The following IDE variants were observed in gnomAD, a reference collection of about 807,000 sequenced individuals.
The protein encoded by IDE is insulin-degrading enzyme.
IDE carries 58 observed loss-of-function variants against 133.2 expected under a neutral mutation model. The ratio of observed to expected loss-of-function variants is 0.44; its 90% CI spans 0.35 to 0.54. The LOEUF is 0.54. Ranked by LOEUF, IDE falls within the 20% of genes least tolerant of loss-of-function variation. The probability of loss-of-function intolerance (pLI) is 0.00; values close to 1 mark genes in which losing one functional copy is unlikely to be tolerated. For synonymous variants in IDE, 396 were observed against 421.3 expected (o/e 0.94, Z 0.73); for missense variants, 981 against 1,234.0 (o/e 0.79, Z 3.07).
In IDE at chr10:92,557,306, G is replaced by C. The variant is rs567500993; in HGVS notation, c.98+16616C>G. Among the ~76,000 whole-genome samples, 12 of 152,264 alleles carry C rather than the reference G, an allele frequency of 7.9e-5. No homozygotes were observed. In the South Asian group the frequency reaches 2.3e-3, roughly 29 times the overall value. On this transcript the variant is annotated intron_variant, in intron 1 of 24. Coordinates refer to ENST00000265986, the MANE Select transcript of IDE (RefSeq NM_004969.4). ...AATCCCAGCACTTTGGGAGGCCGAG[G>C]GGGGTGGATCACGAGGTCAGGAGAT...
intron 4 of IDE, among the ~76,000 whole-genome samples, chr10:92,525,865 A>G (rs1477151078): frequency 6.6e-6 from 1 of 152,096 alleles, no homozygotes; most frequent in Non-Finnish European, 1.5e-5. Flanking sequence ...CAAAAAAGTA[A>G]AAGATCTCAG....
At chr10:92,551,206 A>C (rs1192284072) in intron 1 of IDE, among the ~76,000 whole-genome samples, 1 of 152,236 alleles carries the variant, frequency 6.6e-6, no homozygotes, top group Non-Finnish European at 1.5e-5. Context: ...TATACAATAA[A>C]ATTTATTCAG....
chr10:92,501,432 G>GAAGCC (rs1203773034), intron 11 of IDE, among the ~76,000 whole-genome samples: 1 of 144,804 alleles, frequency 6.9e-6, no homozygotes, highest in Non-Finnish European at 1.5e-5. Flanking sequence ...AGCACTTTGG[G>GAAGCC]AAGCCAAGGT....
Position 92,504,558 on chromosome 10 carries a change from G to A in IDE, c.1430+236C>T, listed in dbSNP as rs567714800. On this transcript the variant is annotated intron_variant, in intron 11 of 24. Transcript: ENST00000265986. ...AATGTCCTCATCTTTTAGAGATATT[G>A]CCTCAAAATAATTTAGGGTGGAAGG... Among the ~76,000 whole-genome samples the A allele has an allele frequency of 2.0e-5, 3 of 152,198 alleles. No individual in the cohort carries two copies. The South Asian group carries it at 6.2e-4, about 32-fold the overall frequency.
At chr10:92,544,069 C>A (rs1413449523) in intron 1 of IDE, among the ~76,000 whole-genome samples, 2 of 152,068 alleles carry the variant, frequency 1.3e-5, no homozygotes, top group Non-Finnish European at 2.9e-5. Context: ...CCTGTCTCTA[C>A]TGAAAATACA....
chr10:92,498,399 G>C (rs1292560216), intron 11 of IDE, among the ~76,000 whole-genome samples: 3 of 144,224 alleles, frequency 2.1e-5, no homozygotes, highest in Non-Finnish European at 1.5e-5. Context: ...GGGGTGGGTG[G>C]ATCACTTGAG....
At chr10:92,569,799 C>T (rs1414372020) in intron 1 of IDE, among the ~76,000 whole-genome samples, 1 of 152,138 alleles carries the variant, frequency 6.6e-6, no homozygotes, top group Non-Finnish European at 1.5e-5. Context: ...CTTCAGAAAG[C>T]AGATTGTGAG....
intron 4 of IDE, among the ~76,000 whole-genome samples, chr10:92,520,938 T>C (rs1650941266): frequency 6.6e-6 from 1 of 152,194 alleles, no homozygotes; most frequent in African/African-American, 2.4e-5. Flanking sequence ...GACTAAAATA[T>C]ATGAAATGTT....
In IDE at chr10:92,475,974, A is replaced by G. The variant is rs764832114; in HGVS notation, c.1905T>C (p.Asn635=). The G allele has an allele frequency of 2.7e-6, 4 of 1,502,482 alleles. No homozygotes were observed. Among genetic ancestry groups the G allele is most frequent in the Non-Finnish European group, 1.8e-6 (2 of 1,092,954 alleles). The allele number at this position is 1,502,482 out of a possible 1,614,324, so 93.1% of individuals were successfully genotyped here. Residue 635 remains asparagine (N), a synonymous_variant, in exon 16 of 25, where the codon AAT becomes AAC. Transcript: ENST00000265986. ...TCTTTAGTAAAATTGGCTGCTTGTC[A>G]TTGTAACCTTTCACTGAAAGCTACA... is the stretch of plus-strand genomic sequence containing the variant. ...YGMYLSVKGY[N]DKQPILLKKI...
chr10:92,456,732 G>C (rs1200796411), intron 22 of IDE, among the ~76,000 whole-genome samples: 9 of 150,506 alleles, frequency 6.0e-5, no homozygotes, highest in Non-Finnish European at 1.2e-4. Flanking sequence ...CCAGATACTT[G>C]GGAGGCTGAG....
chr10:92,543,984 A>G (rs1842421572), intron 1 of IDE, among the ~76,000 whole-genome samples: 1 of 152,116 alleles, frequency 6.6e-6, no homozygotes. Context: ...TGTAATCCCA[A>G]CACTTTGGGA....
chr10:92,503,708 T>C (rs1329749906), intron 11 of IDE, among the ~76,000 whole-genome samples: 2 of 152,026 alleles, frequency 1.3e-5, no homozygotes, highest in Non-Finnish European at 2.9e-5. Flanking sequence ...AGGATAGTTC[T>C]GTCAAAAAGA....
At chr10:92,538,984 G>T (rs1176240458) in intron 1 of IDE, among the ~76,000 whole-genome samples, 1 of 152,022 alleles carries the variant, frequency 6.6e-6, no homozygotes, top group Non-Finnish European at 1.5e-5. Flanking sequence ...AGTAAGAGGG[G>T]GAAGAAATAG....
chr10:92,563,027 G>A (rs187220438), intron 1 of IDE, among the ~76,000 whole-genome samples: 1 of 152,296 alleles, frequency 6.6e-6, no homozygotes, highest in East Asian at 1.9e-4. Context: ...GAGGTGGACA[G>A]ATCAACTGAA....
chr10:92,532,533 A>G (rs1849997090), intron 3 of IDE, among the ~76,000 whole-genome samples: 1 of 152,196 alleles, frequency 6.6e-6, no homozygotes, highest in Non-Finnish European at 1.5e-5. Flanking sequence ...TTATGAAATC[A>G]TAAGAGAAAA....
intron 1 of IDE, among the ~76,000 whole-genome samples, chr10:92,556,665 G>A (rs1843024869): frequency 6.6e-6 from 1 of 152,186 alleles, no homozygotes; most frequent in Admixed American, 6.6e-5. Context: ...GGCTGAGGCA[G>A]GAGAATCGCT....
At position 92,510,162 on chromosome 10, in the gene IDE, T is replaced by A. The variant is rs1245304033; in HGVS notation, c.785A>T (p.Glu262Val). 2 of 1,464,974 alleles carry A rather than the reference T, an allele frequency of 1.4e-6. No homozygotes were observed. The highest frequency in any genetic ancestry group is 2.3e-5 in the South Asian group (2 of 85,624). The allele number at this position is 1,464,974 out of a possible 1,614,324, so 90.7% of individuals were successfully genotyped here. ...NLMAVCVLGR[E>V]SLDDLTNLVV... ...CAGATTAGTCAAGTCATCTAAAGAT[T>A]CTACAAGAAAACAGACAAGGAAAAC... is the stretch of plus-strand genomic sequence containing the variant. Residue 262 changes from glutamate (E) to valine (V), a missense_variant and splice_region_variant, in exon 6 of 25, where the codon GAA becomes GTA. Physicochemically the swap from Glu to Val is moderately radical, Grantham distance 121. Coordinates refer to ENST00000265986, the MANE Select transcript of IDE (RefSeq NM_004969.4).
At chr10:92,506,830 G>T (rs142438593) in intron 9 of IDE, among the ~76,000 whole-genome samples, 135 of 152,126 alleles carry the variant, frequency 8.9e-4, no homozygotes, top group African/African-American at 3.1e-3. Flanking sequence ...AATAGCCAAA[G>T]AATTTAGAAA....
At chr10:92,542,113 T>C (rs1198133552) in intron 1 of IDE, among the ~76,000 whole-genome samples, 1 of 152,226 alleles carries the variant, frequency 6.6e-6, no homozygotes, top group Non-Finnish European at 1.5e-5. Flanking sequence ...ACCAGAGCCC[T>C]TGTTTTGAAG....
Sources: gnomAD v4.1 joint callset for allele counts (sites outside exome capture counted in the v4.1 genomes callset) on GRCh38, gnomAD v4.1.1 for gene constraint, MANE v1.5 for transcripts, NCBI Gene and HGNC (gene_info 2026-07-23, HGNC 2026-07-21) for gene names.